CLCN7: variants seen among roughly 807,000 people sequenced by gnomAD.
The protein encoded by CLCN7 is Cl-/H+ antiporter 7.
CLCN7 carries 60 observed loss-of-function variants against 102.1 expected under a neutral mutation model. The observed-to-expected ratio is 0.59, with a 90% CI of 0.48 to 0.73. CLCN7 has a LOEUF of 0.73. Ranked by LOEUF, CLCN7 falls within the 30% of genes least tolerant of loss-of-function variation. CLCN7 has a pLI of 0.00. For missense variants in CLCN7, 962 were observed against 1,125.7 expected (o/e 0.85, Z 2.08); for synonymous variants, 560 against 490.5 (o/e 1.14, Z -1.87).
At chr16:1,450,276 GTCCAGAC>G in intron 17 of CLCN7, 1 of 569,580 alleles carries the variant, frequency 1.8e-6, no homozygotes, top group Non-Finnish European at 3.2e-6. Context: ...CCTTCGCCTG[GTCCAGAC>G]TCCACACATG....
chr16:1,451,240 C>T (rs189363446), intron 16 of CLCN7, among the ~76,000 whole-genome samples: 13 of 152,324 alleles, frequency 8.5e-5, no homozygotes, highest in Admixed American at 6.5e-4. Flanking sequence ...GAGGGTCTCG[C>T]TGTGTCACCC....
At chr16:1,462,770 C>T (rs73492080) in intron 2 of CLCN7, among the ~76,000 whole-genome samples, 2,988 of 151,204 alleles carry the variant, frequency 0.02, 96 homozygotes, top group African/African-American at 0.068. Flanking sequence ...AAAACATGTA[C>T]GATCAATTGA....
chr16:1,448,666 T>G lies in CLCN7; in HGVS notation c.1883+15A>C. On this transcript the variant is annotated intron_variant, in intron 20 of 24. Coordinates refer to ENST00000382745, the MANE Select transcript of CLCN7 (RefSeq NM_001287.6). ...TGGACACCCTCCCCACCCACAGGTG[T>G]CCTGGGCGCTGTACCTGGCAGTGAG... 1 of 1,612,362 alleles carries G rather than the reference T, an allele frequency of 6.2e-7. No individual in the cohort carries two copies. The highest frequency in any genetic ancestry group is 1.1e-5 in the South Asian group (1 of 91,076).
chr16:1,455,388 G>A, intron 11 of CLCN7, 138 bp from the exon 12 acceptor site: 1 of 760,724 alleles, frequency 1.3e-6, no homozygotes. Flanking sequence ...AGAAGGGAAG[G>A]GGCTGGAGCC....
chr16:1,458,758 G>A (rs555785607), intron 7 of CLCN7, among the ~76,000 whole-genome samples: 16 of 152,334 alleles, frequency 1.1e-4, no homozygotes, highest in East Asian at 7.7e-4. Flanking sequence ...AACTGAAAGC[G>A]GGAAACTGCT....
rs147521550 is a variant in CLCN7 at position 1,471,193 on chromosome 16, CCA to C, written c.141+3639_141+3640del. Among the ~76,000 whole-genome samples, 211 of 152,278 alleles carry C rather than the reference CCA, an allele frequency of 1.4e-3. 1 individual carries two copies. Among genetic ancestry groups the C allele is most frequent in the African/African-American group, 4.8e-3 (199 of 41,548 alleles). ...GGCACCCAGCCTCCAACAAGCCACTCCACAGTCTGCCCTGCCCAGGGCAGCCA... is the reference window on the plus strand; with the variant it reads ...GGCACCCAGCCTCCAACAAGCCACTCCAGTCTGCCCTGCCCAGGGCAGCCA... On this transcript the variant is annotated intron_variant, in intron 1 of 24. Coordinates refer to ENST00000382745, the MANE Select transcript of CLCN7 (RefSeq NM_001287.6).
rs1361348444 is a variant in CLCN7 at position 1,457,685 on chromosome 16, CTT to C, written c.738+7_738+8del. ...GCTCCAGCTGGAGTGGCCATGTGCA[CTT>C]TGTTACCTTTCCCACGGCCAGGCCC... On this transcript the variant is annotated splice_region_variant and intron_variant, in intron 8 of 24. Transcript: ENST00000382745. The surrounding 1 kb of genome is among the most constrained non-coding windows in gnomAD (Gnocchi z 5.4). 1.9e-6 allele frequency: 3 copies of C among 1,613,458 alleles called. No individual in the cohort carries two copies. The highest frequency in any genetic ancestry group is 2.5e-6 in the Non-Finnish European group (3 of 1,179,982).
In CLCN7 at chr16:1,465,413, C is replaced by T. The variant is rs113273309; in HGVS notation, c.142-75G>A. ...CTCCGTGGATTCTCACTCCCGCCGC[C>T]GCACCCTGGCCTCGCCTGACCCTGC... On this transcript the variant is annotated intron_variant, in intron 1 of 24. Coordinates refer to ENST00000382745, the MANE Select transcript of CLCN7 (RefSeq NM_001287.6). 2.4e-3 allele frequency: 3,333 copies of T among 1,363,340 alleles called. 78 individuals are homozygous for T. The African/African-American group carries it at 0.041, about 17-fold the overall frequency. The allele number at this position is 1,363,340 out of a possible 1,614,324, so 84.5% of individuals were successfully genotyped here. A position where few individuals can be genotyped will look rare whatever the true frequency, so the allele number is the denominator to read the frequency against.
At chr16:1,464,030 A>C (rs1365042228) in intron 2 of CLCN7, among the ~76,000 whole-genome samples, 2 of 152,138 alleles carry the variant, frequency 1.3e-5, no homozygotes, top group Non-Finnish European at 2.9e-5. Flanking sequence ...CTGCTTCCCA[A>C]AGTACTAGGA....
Position 1,469,230 on chromosome 16 carries a change from A to G in CLCN7, c.142-3892T>C, listed in dbSNP as rs574549548. Among the ~76,000 whole-genome samples the G allele has an allele frequency of 9.2e-5, 14 of 152,150 alleles. No individual in the cohort carries two copies. The East Asian group carries it at 2.5e-3, about 27-fold the overall frequency. ...CAAATAAATAAATAAAATAAAACAA[A>G]ATAAAAGTCAAAATAATGTATAGAG... On this transcript the variant is annotated intron_variant, in intron 1 of 24. Coordinates refer to ENST00000382745, the MANE Select transcript of CLCN7 (RefSeq NM_001287.6).
rs1168990979 is a variant in CLCN7 at position 1,451,643 on chromosome 16, C to T, written c.1427G>A (p.Ser476Asn). 2 of 1,612,288 alleles carry T rather than the reference C, an allele frequency of 1.2e-6. No individual in the cohort carries two copies. Among genetic ancestry groups the T allele is most frequent in the East Asian group, 2.2e-5 (1 of 44,868 alleles). The part of the protein sequence containing the change: ...FFNTPEKSVV[S>N]LFHDPPGSYN... ...CACACCTGGCGGGTCGTGGAAGAGGCTCACCACGCTCTTCTCCGGGGTGTT... is the reference window on the plus strand; with the variant it reads ...CACACCTGGCGGGTCGTGGAAGAGGTTCACCACGCTCTTCTCCGGGGTGTT... The change falls in exon 16 of 25, where the codon AGC becomes AAC. Residue 476 changes from serine (S) to asparagine (N), a missense_variant. Around this residue, in one of 2 missense-constraint regions of CLCN7, gnomAD observed 799 missense variants for 988.0 expected, o/e 0.81. Coordinates refer to ENST00000382745, the MANE Select transcript of CLCN7 (RefSeq NM_001287.6).
intron 1 of CLCN7, chr16:1,472,742 A>C (rs2039094267): frequency 6.6e-6 from 1 of 151,802 alleles, no homozygotes; most frequent in Admixed American, 6.6e-5. Flanking sequence ...TTAATTAAAA[A>C]AATTTTTTTT....
chr16:1,462,683 A>AAAAAAAAAAC (rs1471363912), intron 2 of CLCN7, among the ~76,000 whole-genome samples: 5 of 150,956 alleles, frequency 3.3e-5, no homozygotes, highest in African/African-American at 1.2e-4. Context: ...AAAAAAAAAA[A>AAAAAAAAAAC]AAAACCAGGC....
intron 16 of CLCN7, among the ~76,000 whole-genome samples, chr16:1,451,269 G>A (rs1157038637): frequency 1.3e-5 from 2 of 152,212 alleles, no homozygotes; most frequent in Non-Finnish European, 2.9e-5. Context: ...ATGCAGTGAT[G>A]TAATCACAGC....
chr16:1,446,741 G>T, intron 24 of CLCN7, 24 bp from the exon 25 acceptor site: 1 of 1,552,438 alleles, frequency 6.4e-7, no homozygotes, highest in Non-Finnish European at 8.7e-7. Context: ...CCAGGCCACA[G>T]TGACACACGG....
chr16:1,462,678 A>C (rs1567273388), intron 2 of CLCN7, among the ~76,000 whole-genome samples: 2 of 116,608 alleles, frequency 1.7e-5, no homozygotes, highest in African/African-American at 3.5e-5. Flanking sequence ...AAAAAAAAAA[A>C]AAAAAAAAAC....
At chr16:1,464,934 G>A (rs957397477) in intron 2 of CLCN7, among the ~76,000 whole-genome samples, 3 of 151,760 alleles carry the variant, frequency 2.0e-5, no homozygotes, top group Non-Finnish European at 4.4e-5. Flanking sequence ...AGAGGCATCC[G>A]GCCCCCTCTC....
At position 1,474,963 on chromosome 16, in the gene CLCN7, G is replaced by T. The variant is rs769818718; in HGVS notation, c.12C>A (p.Val4=). The T allele has an allele frequency of 2.0e-6, 3 of 1,488,036 alleles. No homozygotes were observed. The South Asian group carries it at 3.8e-5, about 19-fold the overall frequency. 92.2% of individuals were successfully genotyped at this position (1,488,036 alleles called of 1,614,324 possible). A position where few individuals can be genotyped will look rare whatever the true frequency, so the allele number is the denominator to read the frequency against. Residue 4 remains valine (V), a synonymous_variant, in exon 1 of 25, where the codon GTC becomes GTA. Coordinates refer to ENST00000382745, the MANE Select transcript of CLCN7 (RefSeq NM_001287.6). The stretch of plus-strand genomic sequence containing the variant: ...GGCCGGACCAGGACACCTTCTTAGA[G>T]ACGTTGGCCATGGCCCGCCGCGGAG... MAN[V]SKKVSWSGRD... is the part of the protein sequence containing the mutation.
chr16:1,459,238 T>C, intron 6 of CLCN7, 51 bp from the exon 7 acceptor site: 1 of 1,420,000 alleles, frequency 7.0e-7, no homozygotes, highest in African/African-American at 1.5e-5. Flanking sequence ...CTGAGACAGA[T>C]GCAGCCCCTC....
Sources: allele counts gnomAD v4.1 joint callset (sites outside exome capture counted in the v4.1 genomes callset), GRCh38; gene constraint gnomAD v4.1.1; regional missense constraint gnomAD v4.1.1; non-coding constraint Gnocchi (gnomAD v3.1); transcripts MANE v1.5; gene names NCBI Gene and HGNC (gene_info 2026-07-23, HGNC 2026-07-21).